Variants in ZNF721 observed in about 807,000 individuals in gnomAD.
ZNF721 encodes the protein zinc finger protein 721.
ZNF721 carries 2 observed loss-of-function variants against 2.4 expected under a neutral mutation model. The ratio of observed to expected loss-of-function variants is 0.82; its 90% CI spans 0.34 to 2.58. The LOEUF (loss-of-function observed/expected upper bound fraction) is 2.58, where lower values mean the gene tolerates loss of function less well. ZNF721 is among the 30% of genes most tolerant of loss of function. The probability of loss-of-function intolerance (pLI) is 0.11; values close to 1 mark genes in which losing one functional copy is unlikely to be tolerated. For missense variants in ZNF721, 1,187 were observed against 1,085.5 expected, an observed-to-expected ratio of 1.09 and a Z score of -1.31; for synonymous variants, 398 against 381.8, an observed-to-expected ratio of 1.04 and a Z score of -0.50.
At chr4:466,739 T>C (rs1269641111) in intron 2 of ZNF721, among the ~76,000 whole-genome samples, 4 of 152,264 alleles carry the variant, frequency 2.6e-5, no homozygotes, top group South Asian at 2.1e-4. Context: ...CCAAAGGCAA[T>C]GGTATTAAAT....
At chr4:466,008 T>C (rs1161592125) in intron 2 of ZNF721, among the ~76,000 whole-genome samples, 1 of 150,552 alleles carries the variant, frequency 6.6e-6, no homozygotes, top group Non-Finnish European at 1.5e-5. Context: ...TCTTTTTTTT[T>C]TTTTTTGAGG....
In ZNF721 at chr4:443,512, T is replaced by G. The variant is rs202034537; in HGVS notation, c.955A>C (p.Asn319His). The change falls in exon 3 of 3, where the codon AAC becomes CAC. Residue 319 changes from asparagine to histidine, a missense_variant. By Grantham distance (68) the Asn-to-His change is moderately conservative. Coordinates refer to ENST00000511833, the MANE Select transcript of ZNF721 (RefSeq NM_133474.4). ...TGAATTCTCCTATGTACATAAAGGT[T>G]TGCGGACTGTCTAAAGGCTTTGCCA... Reference protein sequence around the residue: ...VCGKAFRQSANLYVHRRIHTG... With the variant: ...VCGKAFRQSAHLYVHRRIHTG... The G allele has an allele frequency of 1.9e-6, 3 of 1,613,814 alleles. No individual in the cohort carries two copies. The highest frequency in any genetic ancestry group is 2.2e-5 in the East Asian group (1 of 44,858).
intron 1 of ZNF721, among the ~76,000 whole-genome samples, chr4:498,773 G>A (rs1282485128): frequency 6.7e-6 from 1 of 148,450 alleles, no homozygotes. Flanking sequence ...TTGCCAGGCA[G>A]AAGTGCAGTG....
At chr4:457,772 GA>G (rs1304250725) in intron 2 of ZNF721, among the ~76,000 whole-genome samples, 6 of 152,146 alleles carry the variant, frequency 3.9e-5, no homozygotes, top group African/African-American at 1.4e-4. Context: ...AAGTCCGGAA[GA>G]ATTTTTTCCT....
At chr4:453,701 G>C (rs1262351106) in intron 2 of ZNF721, 1 of 152,214 alleles carries the variant, frequency 6.6e-6, no homozygotes, top group Non-Finnish European at 1.5e-5. Context: ...AGCTGCCAGA[G>C]GCCGCCAGGA....
chr4:478,770 ATT>A (rs35238850), intron 1 of ZNF721, among the ~76,000 whole-genome samples: 11 of 142,576 alleles, frequency 7.7e-5, no homozygotes, highest in Middle Eastern at 3.5e-3. Context: ...GAAAGGTCTG[ATT>A]TTTTTTTTTT....
intron 2 of ZNF721, among the ~76,000 whole-genome samples, chr4:450,959 ATATATATAT>A (rs1560228770): frequency 0.12 from 2,709 of 21,942 alleles, 133 homozygotes; most frequent in South Asian, 0.13. Flanking sequence ...AAAAAAAAAT[ATATATATAT>A]ATATATATAT....
chr4:488,863 G>A (rs1215226745), intron 1 of ZNF721, among the ~76,000 whole-genome samples: 1 of 151,802 alleles, frequency 6.6e-6, no homozygotes, highest in Non-Finnish European at 1.5e-5. Context: ...AAAATAAAAG[G>A]AAGAGGAACC....
chr4:459,144 T>C (rs1183469299), intron 2 of ZNF721, among the ~76,000 whole-genome samples: 1 of 152,144 alleles, frequency 6.6e-6, no homozygotes, highest in Non-Finnish European at 1.5e-5. Context: ...AGAAGAGCTC[T>C]TGAAGGATGG....
At position 443,444 on chromosome 4, in the gene ZNF721, G is replaced by A. The variant is rs1348267260; in HGVS notation, c.1023C>T (p.Thr341=). ...CGTAAAGGTTTGCGGACTGTCTAAAGGTTTTGCCACATTCTCCACATGTGT... is the reference window on the plus strand; with the variant it reads ...CGTAAAGGTTTGCGGACTGTCTAAAAGTTTTGCCACATTCTCCACATGTGT... The part of the protein sequence containing the change: ...KPYTCGECGK[T]FRQSANLYVH... Residue 341 remains threonine, a synonymous_variant, in exon 3 of 3, where the codon ACC becomes ACT. Coordinates refer to ENST00000511833, the MANE Select transcript of ZNF721 (RefSeq NM_133474.4). The A allele has an allele frequency of 4.3e-6, 7 of 1,611,986 alleles. No individual in the cohort carries two copies. Among genetic ancestry groups the A allele is most frequent in the Non-Finnish European group, 5.9e-6 (7 of 1,178,418 alleles).
chr4:464,624 G>C (rs1043393270), intron 2 of ZNF721, among the ~76,000 whole-genome samples: 5 of 152,076 alleles, frequency 3.3e-5, no homozygotes, highest in Admixed American at 6.6e-5. Context: ...GTGTGTTGAA[G>C]GGAGTAAAAC....
chr4:496,782 G>C (rs979665726), intron 1 of ZNF721, among the ~76,000 whole-genome samples: 2 of 137,354 alleles, frequency 1.5e-5, no homozygotes, highest in Non-Finnish European at 1.5e-5. Context: ...GCGCGATCTC[G>C]GCTCACTGCA....
intron 1 of ZNF721, among the ~76,000 whole-genome samples, chr4:488,616 G>A (rs181127829): frequency 6.6e-6 from 1 of 152,138 alleles, no homozygotes; most frequent in African/African-American, 2.4e-5. Flanking sequence ...CGGATCACAA[G>A]GTGAAGAGAT....
At chr4:466,089 A>G (rs1334148509) in intron 2 of ZNF721, among the ~76,000 whole-genome samples, 5 of 149,266 alleles carry the variant, frequency 3.3e-5, no homozygotes, top group Non-Finnish European at 5.9e-5. Context: ...CTCCACCTCC[A>G]GGGTTGAAGC....
At chr4:488,887 G>A (rs1359507363) in intron 1 of ZNF721, among the ~76,000 whole-genome samples, 1 of 151,958 alleles carries the variant, frequency 6.6e-6, no homozygotes, top group Non-Finnish European at 1.5e-5. Flanking sequence ...GAGAGAGGAG[G>A]CAGTCAGAGG....
At chr4:450,959 ATATATATATATATATATATAT>A (rs1714640652) in intron 2 of ZNF721, among the ~76,000 whole-genome samples, 2 of 22,174 alleles carry the variant, frequency 9.0e-5, no homozygotes, top group African/African-American at 4.3e-4. Flanking sequence ...AAAAAAAAAT[ATATATATATATATATATATAT>A]ATATATATAT....
intron 2 of ZNF721, among the ~76,000 whole-genome samples, chr4:465,082 TA>T (rs112910440): frequency 1.8e-3 from 243 of 138,186 alleles, no homozygotes; most frequent in African/African-American, 3.9e-3. Context: ...AAGATTCCAT[TA>T]AAAAAAAAAA....
At chr4:463,073 ACC>A (rs1393338654) in intron 2 of ZNF721, among the ~76,000 whole-genome samples, 2 of 152,180 alleles carry the variant, frequency 1.3e-5, no homozygotes, top group East Asian at 3.9e-4. Flanking sequence ...AAACCAAACC[ACC>A]CCATCAAAAA....
Position 442,335 on chromosome 4 carries a change from T to C in ZNF721, c.2132A>G (p.Asn711Ser), listed in dbSNP as rs1714274044. Residue 711 changes from asparagine to serine, a missense_variant, in exon 3 of 3, where the codon AAC becomes AGC. Physicochemically the swap from Asn to Ser is conservative, Grantham distance 46. Coordinates refer to ENST00000511833, the MANE Select transcript of ZNF721 (RefSeq NM_133474.4). ...ECGKAFSRSR[N>S]LTTHRRVHTR... ...GTGAACTCTCCTATGTGTAGTAAGGTTTCTTGACCTACTAAAGGCTTTGCC... is the reference window on the plus strand; with the variant it reads ...GTGAACTCTCCTATGTGTAGTAAGGCTTCTTGACCTACTAAAGGCTTTGCC... 1 of 1,613,836 alleles carries C rather than the reference T, an allele frequency of 6.2e-7. No homozygotes were observed. Among genetic ancestry groups the C allele is most frequent in the South Asian group, 1.1e-5 (1 of 91,050 alleles).
Sources: gnomAD v4.1 joint callset for allele counts (sites outside exome capture counted in the v4.1 genomes callset) on GRCh38, gnomAD v4.1.1 for gene constraint, MANE v1.5 for transcripts, NCBI Gene and HGNC (gene_info 2026-07-23, HGNC 2026-07-21) for gene names.